Variants in SCN11A observed in about 807,000 individuals in gnomAD.
SCN11A encodes sodium voltage-gated channel alpha subunit 11, also known as sodium channel protein type 11 subunit alpha.
Under a neutral mutation model 162.2 loss-of-function variants are expected in SCN11A, and 122 were observed. That is an observed-to-expected ratio of 0.75 (90% confidence interval 0.65 to 0.87). The LOEUF (loss-of-function observed/expected upper bound fraction) is 0.87, where lower values mean the gene tolerates loss of function less well. Ranked by LOEUF, SCN11A falls within the 40% of genes least tolerant of loss-of-function variation. The pLI, the probability that SCN11A is intolerant of heterozygous loss-of-function variation, is 0.00. For synonymous variants in SCN11A, 758 were observed against 751.5 expected, an observed-to-expected ratio of 1.01 and a Z score of -0.14; for missense variants, 2,015 against 2,181.6, an observed-to-expected ratio of 0.92 and a Z score of 1.52.
At chr3:38,869,076 A>G (rs1485715510) in intron 26 of SCN11A, among the ~76,000 whole-genome samples, 2 of 152,216 alleles carry the variant, frequency 1.3e-5, no homozygotes, top group African/African-American at 4.8e-5. Flanking sequence ...TGAGGCCAGC[A>G]GAGTGCTGGG....
In SCN11A at chr3:38,886,132, G is replaced by A. The variant is rs1321151908; in HGVS notation, c.2942C>T (p.Pro981Leu). ...ACATCCTAGGAAAATTACCTTTCGG[G>A]GATCCTGTATGGTCAGATGAGGCTC... The part of the protein sequence containing the change: ...EDEPHLTIQD[P>L]RKKSDVTSIL... Residue 981 changes from proline to leucine, a missense_variant, in exon 20 of 30, where the codon CCC becomes CTC. By Grantham distance (98) the Pro-to-Leu change is moderately conservative. Coordinates refer to ENST00000302328, the MANE Select transcript of SCN11A (RefSeq NM_001349253.2). 1.9e-6 allele frequency: 3 copies of A among 1,606,738 alleles called. No individual in the cohort carries two copies. The highest frequency in any genetic ancestry group is 1.7e-6 in the Non-Finnish European group (2 of 1,174,494).
chr3:38,859,038 G>GT (rs1445421002), intron 28 of SCN11A, among the ~76,000 whole-genome samples: 10 of 151,968 alleles, frequency 6.6e-5, no homozygotes, highest in Non-Finnish European at 1.5e-4. Context: ...TAAGAGGAAA[G>GT]TTTGTAGCAT....
intron 5 of SCN11A, among the ~76,000 whole-genome samples, chr3:38,948,084 G>A (rs1396193919): frequency 6.6e-6 from 1 of 152,192 alleles, no homozygotes; most frequent in Non-Finnish European, 1.5e-5. Context: ...TCTGGCTGCA[G>A]GGAAAACTGT....
intron 2 of SCN11A, among the ~76,000 whole-genome samples, chr3:38,973,856 C>T (rs1364949529): frequency 6.6e-6 from 1 of 152,134 alleles, no homozygotes; most frequent in Admixed American, 6.5e-5. Flanking sequence ...AGCTGGAGCA[C>T]CAAAGGGCTC....
At chr3:38,905,136 G>A in intron 15 of SCN11A, 56 bp downstream of exon 15, 1 of 1,609,574 alleles carries the variant, frequency 6.2e-7, no homozygotes, top group Non-Finnish European at 8.5e-7. Context: ...GGAAGAAGAA[G>A]AATGGAAGGA....
intron 11 of SCN11A, among the ~76,000 whole-genome samples, chr3:38,913,022 G>A (rs758126156): frequency 6.6e-6 from 1 of 151,824 alleles, no homozygotes; most frequent in African/African-American, 2.4e-5. Flanking sequence ...GATGAATCCA[G>A]CAACAGTAGT....
chr3:38,857,848 C>T lies in SCN11A; in HGVS notation c.4056+5347G>A, dbSNP rs555274069. Among the ~76,000 whole-genome samples the T allele has an allele frequency of 4.6e-5, 7 of 152,140 alleles. 1 individual carries two copies. The South Asian group carries it at 1.5e-3, about 32-fold the overall frequency. On this transcript the variant is annotated intron_variant, in intron 28 of 29. Transcript: ENST00000302328. Reference sequence around the variant, plus strand: ...GGAATTGGGGTCCTATCTTTAGCCTCCATAAACAATATAATTGTCAGCCAA... The same window carrying T: ...GGAATTGGGGTCCTATCTTTAGCCTTCATAAACAATATAATTGTCAGCCAA...
intron 23 of SCN11A, 137 bp from the exon 24 acceptor site, chr3:38,872,431 A>T: frequency 1.7e-6 from 1 of 589,728 alleles, no homozygotes; most frequent in African/African-American, 1.9e-5. Flanking sequence ...AGTGAAAGAC[A>T]TAGAAAATCC....
At chr3:39,045,030 C>G (rs2032150694) in intron 1 of SCN11A, among the ~76,000 whole-genome samples, 6 of 151,930 alleles carry the variant, frequency 3.9e-5, no homozygotes, top group Admixed American at 3.9e-4. Context: ...CAACTATATG[C>G]CAACAAGATG....
chr3:38,978,383 T>C (rs1362087953), intron 2 of SCN11A, among the ~76,000 whole-genome samples: 1 of 152,248 alleles, frequency 6.6e-6, no homozygotes, highest in Non-Finnish European at 1.5e-5. Context: ...CGGTAGCTCA[T>C]ACCTGTAATC....
rs139915721 is a variant in SCN11A, at chr3:38,926,819, T to A, written c.601A>T (p.Ile201Phe). 4.0e-4 allele frequency: 648 copies of A among 1,613,906 alleles called. 3 individuals carry two copies. The African/African-American group carries it at 7.3e-3, about 18-fold the overall frequency. Residue 201 changes from isoleucine (I) to phenylalanine (F), a missense_variant, in exon 8 of 30, where the codon ATT becomes TTT. Ile to Phe is a conservative substitution (Grantham distance 21). Coordinates refer to ENST00000302328, the MANE Select transcript of SCN11A (RefSeq NM_001349253.2). ...LRDPWNWLDS[I>F]VIGIAIVSYI... ...TATTCTTACGCTATTCCAATGACAA[T>A]GGAGTCCAGCCAGTTCCATGGATCT...
intron 11 of SCN11A, among the ~76,000 whole-genome samples, chr3:38,912,405 A>G (rs9311200): frequency 0.6 from 90,960 of 151,954 alleles, 27,916 homozygotes; most frequent in South Asian, 0.67. Context: ...TCTCTTACAC[A>G]TGGCTTTGTA....
At chr3:38,900,175 T>C (rs139153644) in intron 16 of SCN11A, 102 bp from the exon 17 acceptor site, 7 of 853,752 alleles carry the variant, frequency 8.2e-6, no homozygotes, top group African/African-American at 3.4e-5. Context: ...TGAAAAGTAT[T>C]CTCATGATTG....
chr3:39,021,945 C>A (rs1246969104), intron 2 of SCN11A, among the ~76,000 whole-genome samples: 2 of 152,164 alleles, frequency 1.3e-5, no homozygotes, highest in African/African-American at 4.8e-5. Context: ...GTTATACCCC[C>A]TCCCTGACTA....
intron 28 of SCN11A, among the ~76,000 whole-genome samples, chr3:38,853,321 C>T (rs998303621): frequency 6.6e-6 from 1 of 152,108 alleles, no homozygotes; most frequent in Non-Finnish European, 1.5e-5. Context: ...TTGTTGTTGG[C>T]TCAAGTTCAA....
intron 2 of SCN11A, among the ~76,000 whole-genome samples, chr3:39,026,509 A>T (rs931935247): frequency 5.3e-5 from 8 of 152,178 alleles, no homozygotes; most frequent in African/African-American, 1.9e-4. Flanking sequence ...AGGGCCTTTA[A>T]CATCCTGCAG....
chr3:38,880,824 T>C (rs1173396285), intron 22 of SCN11A, among the ~76,000 whole-genome samples: 1 of 152,208 alleles, frequency 6.6e-6, no homozygotes, highest in Non-Finnish European at 1.5e-5. Context: ...TCCAAACACT[T>C]CCCTCACGCA....
intron 2 of SCN11A, among the ~76,000 whole-genome samples, chr3:39,001,679 G>C (rs2030814526): frequency 6.6e-6 from 1 of 151,812 alleles, no homozygotes; most frequent in African/African-American, 2.4e-5. Context: ...TTTCTATGTA[G>C]CTATCTAGTT....
At position 38,886,180 on chromosome 3, in the gene SCN11A, T is replaced by C; in HGVS notation, c.2894A>G (p.Glu965Gly). Reference sequence around the variant, plus strand: ...CTCATCTTCAGAGAACATGTCAATTTCCACACTTTGAACTCTCTGGCTCGT... The same window carrying C: ...CTCATCTTCAGAGAACATGTCAATTCCCACACTTTGAACTCTCTGGCTCGT... The part of the protein sequence containing the change: ...KPTSQRVQSV[E>G]IDMFSEDEPH... Residue 965 changes from glutamate to glycine, a missense_variant, in exon 20 of 30, where the codon GAA (glutamate) becomes GGA (glycine). By Grantham distance (98) the Glu-to-Gly change is moderately conservative. Transcript: ENST00000302328. 6.2e-7 allele frequency: 1 copy of C among 1,613,134 alleles called. No homozygotes were observed. The highest frequency in any genetic ancestry group is 8.5e-7 in the Non-Finnish European group (1 of 1,179,880).
Sources: allele counts gnomAD v4.1 joint callset (sites outside exome capture counted in the v4.1 genomes callset), GRCh38; gene constraint gnomAD v4.1.1; transcripts MANE v1.5; gene names NCBI Gene and HGNC (gene_info 2026-07-23, HGNC 2026-07-21).